DNAAF4: variants seen among roughly 807,000 people sequenced by gnomAD.
DNAAF4 encodes the protein dynein axonemal assembly factor 4.
A neutral mutation model predicts 51.8 loss-of-function variants in DNAAF4; 43 were observed. The observed-to-expected ratio is 0.83, with a 90% CI of 0.65 to 1.07. DNAAF4 has a LOEUF of 1.07. Among genes scored for constraint, DNAAF4 ranks in the 50% least tolerant of loss-of-function variants. The pLI, the probability that DNAAF4 is intolerant of heterozygous loss-of-function variation, is 0.00. For missense variants in DNAAF4, 581 were observed against 493.0 expected (o/e 1.18, Z -1.69); for synonymous variants, 194 against 165.6 (o/e 1.17, Z -1.32).
rs113072381 is a variant in DNAAF4 at position 55,430,483 on chromosome 15, G to C, written c.*187C>G. 15 of 1,128,710 alleles carry C rather than the reference G, an allele frequency of 1.3e-5. 1 individual carries two copies. The African/African-American group carries it at 1.8e-4, about 13-fold the overall frequency. The allele number at this position is 1,128,710 out of a possible 1,614,324, so 69.9% of individuals were successfully genotyped here. On this transcript the variant is annotated 3_prime_UTR_variant, in exon 10 of 10. Transcript: ENST00000321149. ...AGGAATTAAAATAGATTCTTATTTA[G>C]ATTTACTTATTCAGAAATGATTCAA...
At chr15:55,441,649 T>A (rs1249628784) in intron 6 of DNAAF4, among the ~76,000 whole-genome samples, 10 of 150,344 alleles carry the variant, frequency 6.7e-5, no homozygotes, top group East Asian at 2.0e-4. Flanking sequence ...CACCTATGAG[T>A]GAGAACATGT....
chr15:55,453,629 C>A (rs1032385748), intron 5 of DNAAF4, among the ~76,000 whole-genome samples: 3 of 147,694 alleles, frequency 2.0e-5, no homozygotes, highest in African/African-American at 7.6e-5. Context: ...CGGCTCACTG[C>A]AAGCTCTGCC....
chr15:55,445,851 CAGCCGGGCAGA>C (rs2057794101), intron 6 of DNAAF4, among the ~76,000 whole-genome samples: 2 of 141,272 alleles, frequency 1.4e-5, no homozygotes, highest in East Asian at 2.2e-4. Context: ...CCAGACGGGG[CAGCCGGGCAGA>C]GGCGCTCCTC....
chr15:55,419,884 C>T (rs2057373704), intron 7 of DNAAF4, among the ~76,000 whole-genome samples: 1 of 152,008 alleles, frequency 6.6e-6, no homozygotes, highest in Non-Finnish European at 1.5e-5. Context: ...TGCCTGTAAT[C>T]CCAGCTACTT....
At chr15:55,505,144 G>A (rs1003394207) in intron 1 of DNAAF4, among the ~76,000 whole-genome samples, 4 of 152,184 alleles carry the variant, frequency 2.6e-5, no homozygotes, top group Non-Finnish European at 4.4e-5. Context: ...AGACATTTAT[G>A]CATCCAACAG....
rs189743325 is a variant in DNAAF4 at position 55,420,911 on chromosome 15, G to A, written c.1048-2778C>T. ...TGTTGCTAAATTCTCAGGATTGGCC[G>A]GGCACGGTGGCTTACACCTGTAATC... On this transcript the variant is annotated intron_variant, in intron 7 of 7. Transcript: ENST00000448430. 1.4e-3 allele frequency among the ~76,000 whole-genome samples: 219 copies of A among 152,140 alleles called. 1 individual carries two copies. Among genetic ancestry groups the A allele is most frequent in the African/African-American group, 4.9e-3 (205 of 41,510 alleles).
intron 1 of DNAAF4, among the ~76,000 whole-genome samples, chr15:55,504,290 G>C (rs2058715034): frequency 6.6e-6 from 1 of 152,140 alleles, no homozygotes; most frequent in Non-Finnish European, 1.5e-5. Flanking sequence ...ACAAATGGAA[G>C]ACCATTCCAT....
intron 4 of DNAAF4, among the ~76,000 whole-genome samples, chr15:55,480,026 C>CAA (rs2058387178): frequency 6.6e-6 from 1 of 152,104 alleles, no homozygotes; most frequent in African/African-American, 2.4e-5. Flanking sequence ...TCTGCTTTTG[C>CAA]CCTTTGTCCT....
At chr15:55,422,153 C>T (rs1439452950) in intron 7 of DNAAF4, among the ~76,000 whole-genome samples, 3 of 151,876 alleles carry the variant, frequency 2.0e-5, no homozygotes, top group African/African-American at 4.8e-5. Flanking sequence ...ATGTATAGAA[C>T]ATGCCAAGTG....
chr15:55,443,507 T>G, intron 6 of DNAAF4: 1 of 482,306 alleles, frequency 2.1e-6, no homozygotes, highest in Non-Finnish European at 3.7e-6. Context: ...GCAATAAACA[T>G]ACATGTGCAT....
At chr15:55,480,344 C>T (rs1438044341) in intron 4 of DNAAF4, among the ~76,000 whole-genome samples, 1 of 152,134 alleles carries the variant, frequency 6.6e-6, no homozygotes, top group East Asian at 1.9e-4. Flanking sequence ...CCCCGATACC[C>T]AAGGCCCCCT....
intron 4 of DNAAF4, among the ~76,000 whole-genome samples, chr15:55,477,485 G>A (rs960978184): frequency 6.6e-6 from 1 of 151,912 alleles, no homozygotes; most frequent in Non-Finnish European, 1.5e-5. Context: ...CCAAAGGGAG[G>A]AGTAGAAAAT....
chr15:55,424,321 T>G (rs2041396325), intron 7 of DNAAF4, among the ~76,000 whole-genome samples: 1 of 152,208 alleles, frequency 6.6e-6, no homozygotes, highest in African/African-American at 2.4e-5. Context: ...CCCTTAATCT[T>G]GACTGCCCAG....
intron 4 of DNAAF4, among the ~76,000 whole-genome samples, chr15:55,484,231 C>T (rs547137415): frequency 1.3e-5 from 2 of 152,128 alleles, no homozygotes; most frequent in Admixed American, 1.3e-4. Context: ...TGCCTGTAAT[C>T]CCAGCACTTT....
chr15:55,498,924 AG>A (rs2058676198), intron 1 of DNAAF4, among the ~76,000 whole-genome samples: 3 of 148,962 alleles, frequency 2.0e-5, no homozygotes, highest in Admixed American at 2.0e-4. Context: ...AAAAAAAAAA[AG>A]AAAAGAAAAA....
chr15:55,473,198 A>AAAAAATATATATATATATAT (rs1209754897), intron 4 of DNAAF4, among the ~76,000 whole-genome samples: 1 of 75,750 alleles, frequency 1.3e-5, no homozygotes, highest in Non-Finnish European at 2.5e-5. Context: ...AAAAAAAAAA[A>AAAAAATATATATATATATAT]ATATATATAT....
intron 5 of DNAAF4, 33 bp downstream of exon 5, chr15:55,466,897 A>G: frequency 6.3e-7 from 1 of 1,579,174 alleles, no homozygotes; most frequent in Non-Finnish European, 8.5e-7. Flanking sequence ...CACCAACAGG[A>G]CTCACTACTC....
chr15:55,443,181 T>G, intron 6 of DNAAF4: 1 of 1,610,148 alleles, frequency 6.2e-7, no homozygotes, highest in Non-Finnish European at 8.5e-7. Flanking sequence ...CAAAGAGCAG[T>G]CTTAGGTCCT....
At chr15:55,487,253 C>T (rs935255561) in intron 4 of DNAAF4, among the ~76,000 whole-genome samples, 2 of 152,142 alleles carry the variant, frequency 1.3e-5, no homozygotes, top group Non-Finnish European at 2.9e-5. Context: ...AATCAGCACT[C>T]TGCAAAAATG....
Sources: gnomAD v4.1 joint callset for allele counts (sites outside exome capture counted in the v4.1 genomes callset) on GRCh38, gnomAD v4.1.1 for gene constraint, MANE v1.5 for transcripts, NCBI Gene and HGNC (gene_info 2026-07-23, HGNC 2026-07-21) for gene names.